Variants in CHCHD3 observed in about 807,000 individuals in gnomAD.
The protein encoded by CHCHD3 is coiled-coil-helix-coiled-coil-helix domain containing 3.
Under a neutral mutation model 38.2 loss-of-function variants are expected in CHCHD3, and 20 were observed. The observed-to-expected ratio is 0.52, with a 90% CI of 0.37 to 0.76. CHCHD3 has a LOEUF of 0.76. Among genes scored for constraint, CHCHD3 ranks in the 30% least tolerant of loss-of-function variants. The probability of loss-of-function intolerance (pLI) is 0.00; values close to 1 mark genes in which losing one functional copy is unlikely to be tolerated. For synonymous variants in CHCHD3, 82 were observed against 100.0 expected (o/e 0.82, Z 1.07); for missense variants, 245 against 279.2 (o/e 0.88, Z 0.87).
At chr7:132,887,040 T>C in intron 4 of CHCHD3, 1 of 1,027,944 alleles carries the variant, frequency 9.7e-7, no homozygotes, top group Non-Finnish European at 1.3e-6. Flanking sequence ...ATAAGTACTG[T>C]TTTTTCCTAA....
intron 6 of CHCHD3, among the ~76,000 whole-genome samples, chr7:132,797,523 T>C (rs1239441171): frequency 6.6e-6 from 1 of 152,216 alleles, no homozygotes; most frequent in Admixed American, 6.5e-5. Flanking sequence ...TTTACTAGAA[T>C]GTAAATTCCA....
chr7:132,958,573 T>C (rs577123613), intron 4 of CHCHD3, among the ~76,000 whole-genome samples: 2 of 152,334 alleles, frequency 1.3e-5, no homozygotes, highest in Admixed American at 1.3e-4. Context: ...ACTCTGGAGA[T>C]ACATTTGTTA....
At chr7:132,960,188 G>A (rs1162265965) in intron 4 of CHCHD3, among the ~76,000 whole-genome samples, 1 of 152,044 alleles carries the variant, frequency 6.6e-6, no homozygotes, top group Non-Finnish European at 1.5e-5. Flanking sequence ...TACACCAAGA[G>A]CCTGCTTTTG....
chr7:132,805,567 C>T (rs1165161116), intron 6 of CHCHD3, among the ~76,000 whole-genome samples: 1 of 152,068 alleles, frequency 6.6e-6, no homozygotes, highest in African/African-American at 2.4e-5. Flanking sequence ...AGAGACAGCA[C>T]ACCTAGAGTC....
chr7:132,857,824 A>T (rs1808380048), intron 5 of CHCHD3, among the ~76,000 whole-genome samples: 1 of 152,144 alleles, frequency 6.6e-6, no homozygotes. Context: ...TGGTTTTAGA[A>T]ATTAGATACC....
chr7:132,934,550 C>T (rs1810591711), intron 4 of CHCHD3, among the ~76,000 whole-genome samples: 1 of 152,086 alleles, frequency 6.6e-6, no homozygotes, highest in African/African-American at 2.4e-5. Flanking sequence ...ATTTAATGAC[C>T]GTCTTTCCCA....
At chr7:132,967,625 TTAAATAAATAAATAAATAAATAAA>T (rs72008953) in intron 4 of CHCHD3, among the ~76,000 whole-genome samples, 5 of 139,976 alleles carry the variant, frequency 3.6e-5, no homozygotes, top group African/African-American at 1.1e-4. Flanking sequence ...ATGCTGTTTC[TTAAATAAATAAATAAATAAATAAA>T]TAAATAAATA....
intron 4 of CHCHD3, among the ~76,000 whole-genome samples, chr7:132,903,967 A>G (rs547204674): frequency 6.6e-6 from 1 of 152,340 alleles, no homozygotes. Flanking sequence ...TATCAAAAAT[A>G]CTTGAACAAA....
rs990976899 is a variant in CHCHD3 at position 133,069,302 on chromosome 7, T to C, written c.169+840A>G. Among the ~76,000 whole-genome samples, 6 of 103,608 alleles carry C rather than the reference T, an allele frequency of 5.8e-5. No individual in the cohort carries two copies. The Admixed American group carries it at 8.0e-4, about 14-fold the overall frequency. 68.0% of individuals were successfully genotyped at this position (103,608 alleles called of 152,430 possible). A position where few individuals can be genotyped will look rare whatever the true frequency, so the allele number is the denominator to read the frequency against. Reference sequence around the variant, plus strand: ...TCATGTTTACTGACTTAATGATTAGTAAGGGGCGGGGCGGGGGGGGTCACA... The same window carrying C: ...TCATGTTTACTGACTTAATGATTAGCAAGGGGCGGGGCGGGGGGGGTCACA... On this transcript the variant is annotated intron_variant, in intron 2 of 7. Coordinates refer to ENST00000262570, the MANE Select transcript of CHCHD3 (RefSeq NM_017812.4).
intron 5 of CHCHD3, among the ~76,000 whole-genome samples, chr7:132,864,616 T>C (rs1292619586): frequency 6.6e-6 from 1 of 152,084 alleles, no homozygotes; most frequent in Non-Finnish European, 1.5e-5. Flanking sequence ...GCAAATGAAG[T>C]ATGTCTGTAC....
intron 4 of CHCHD3, among the ~76,000 whole-genome samples, chr7:132,954,296 G>C (rs954934771): frequency 6.6e-6 from 1 of 152,158 alleles, no homozygotes; most frequent in Non-Finnish European, 1.5e-5. Flanking sequence ...CAAAACCCAT[G>C]GGCTGCTATT....
At position 132,788,856 on chromosome 7, in the gene CHCHD3, T is replaced by G. The variant is rs1219762384; in HGVS notation, c.661-3196A>C. The stretch of plus-strand genomic sequence containing the variant: ...AGCACCAGGGCTGATCTATAAACAT[T>G]TTGTCAAACTGCACTCACTTGCTAC... On this transcript the variant is annotated intron_variant, in intron 7 of 7. Coordinates refer to ENST00000262570, the MANE Select transcript of CHCHD3 (RefSeq NM_017812.4). The surrounding 1 kb of genome is among the most constrained non-coding windows in gnomAD (Gnocchi z 4.0). 2.0e-5 allele frequency among the ~76,000 whole-genome samples: 3 copies of G among 152,136 alleles called. No homozygotes were observed. The highest frequency in any genetic ancestry group is 4.4e-5 in the Non-Finnish European group (3 of 68,024).
At chr7:132,843,559 T>A (rs999622686) in intron 5 of CHCHD3, among the ~76,000 whole-genome samples, 1 of 152,196 alleles carries the variant, frequency 6.6e-6, no homozygotes, top group Admixed American at 6.5e-5. Context: ...TGTTGGCAGA[T>A]CACTGGTGGA....
At chr7:132,860,786 G>A (rs1808471175) in intron 5 of CHCHD3, among the ~76,000 whole-genome samples, 1 of 152,062 alleles carries the variant, frequency 6.6e-6, no homozygotes, top group Admixed American at 6.6e-5. Flanking sequence ...GCCACACCTG[G>A]CTAATTTTTG....
At chr7:133,074,415 C>T (rs1204290697) in intron 1 of CHCHD3, among the ~76,000 whole-genome samples, 1 of 152,214 alleles carries the variant, frequency 6.6e-6, no homozygotes, top group African/African-American at 2.4e-5. Flanking sequence ...CCAGAGCCAG[C>T]TGCATCCTTC....
At chr7:132,886,014 C>A (rs1375485828) in intron 4 of CHCHD3, among the ~76,000 whole-genome samples, 1 of 152,102 alleles carries the variant, frequency 6.6e-6, no homozygotes, top group African/African-American at 2.4e-5. Context: ...ACATAACAGA[C>A]TCTTATTTAA....
rs1303557743 is a variant in CHCHD3 at position 132,904,876 on chromosome 7, T to C, written c.370-19131A>G. The stretch of plus-strand genomic sequence containing the variant: ...TCAATGATAGACTGGATTAAGAAAA[T>C]GTGGCACATATACACCATGGAATAC... On this transcript the variant is annotated intron_variant, in intron 4 of 7. Transcript: ENST00000262570. Among the ~76,000 whole-genome samples the C allele has an allele frequency of 1.1e-4, 17 of 152,084 alleles. No homozygotes were observed. The East Asian group carries it at 2.9e-3, about 26-fold the overall frequency.
At chr7:132,863,460 C>T (rs1482933611) in intron 5 of CHCHD3, among the ~76,000 whole-genome samples, 1 of 152,202 alleles carries the variant, frequency 6.6e-6, no homozygotes, top group African/African-American at 2.4e-5. Flanking sequence ...ATTTATAGCA[C>T]ACGGGCAGAG....
intron 5 of CHCHD3, among the ~76,000 whole-genome samples, chr7:132,844,706 T>G (rs1023723689): frequency 6.6e-6 from 1 of 152,202 alleles, no homozygotes; most frequent in African/African-American, 2.4e-5. Flanking sequence ...TGACAGTACC[T>G]CTTAGATGTG....
Sources: allele counts gnomAD v4.1 joint callset (sites outside exome capture counted in the v4.1 genomes callset), GRCh38; gene constraint gnomAD v4.1.1; non-coding constraint Gnocchi (gnomAD v3.1); transcripts MANE v1.5; gene names NCBI Gene and HGNC (gene_info 2026-07-23, HGNC 2026-07-21).